Variants in SBF1 observed in about 807,000 individuals in gnomAD.
The protein encoded by SBF1 is myotubularin-related protein 5.
SBF1 carries 65 observed loss-of-function variants against 215.8 expected under a neutral mutation model. The ratio of observed to expected loss-of-function variants is 0.30; its 90% CI spans 0.25 to 0.37. The LOEUF is 0.37. Ranked by LOEUF, SBF1 falls within the 10% of genes least tolerant of loss-of-function variation. SBF1 has a pLI of 1.00. For missense variants in SBF1, 2,634 were observed against 2,667.8 expected, an observed-to-expected ratio of 0.99 and a Z score of 0.28; for synonymous variants, 1,410 against 1,122.8, an observed-to-expected ratio of 1.26 and a Z score of -5.11.
chr22:50,450,879 G>A (rs2148558892), intron 36 of SBF1, among the ~76,000 whole-genome samples: 1 of 152,328 alleles, frequency 6.6e-6, no homozygotes, highest in Admixed American at 6.5e-5. Flanking sequence ...AGGCCGAGGA[G>A]GGAGAATCGC....
Position 50,461,730 on chromosome 22 carries a change from CAA to C in SBF1, c.2644-14_2644-13del. Reference sequence around the variant, plus strand: ...CGCAGCAGCTTGGGCTGCTCGAAAACAAGAGCAGGAGCTCAGGATGCAGCCCG... The same window carrying C: ...CGCAGCAGCTTGGGCTGCTCGAAAACGAGCAGGAGCTCAGGATGCAGCCCG... On this transcript the variant is annotated splice_polypyrimidine_tract_variant and intron_variant, in intron 21 of 40. Transcript: ENST00000380817. 1 of 1,609,312 alleles carries C rather than the reference CAA, an allele frequency of 6.2e-7. No homozygotes were observed. Among genetic ancestry groups the C allele is most frequent in the Non-Finnish European group, 8.5e-7 (1 of 1,177,884 alleles).
In SBF1 at chr22:50,460,700, C is replaced by T. The variant is rs2067470101; in HGVS notation, c.2980G>A (p.Ala994Thr). ...RSCTFQLLKM[A>T]FDEEVGSDSA... ...TCAGACCCCACCTCCTCGTCAAAGG[C>T]CATTTTCAGCAGCTGTGTCAGTAAA... The change falls in exon 24 of 41, where the codon GCC (alanine) becomes ACC (threonine). Residue 994 changes from alanine to threonine, a missense_variant. Transcript: ENST00000380817. 1.9e-6 allele frequency: 3 copies of T among 1,613,016 alleles called. No individual in the cohort carries two copies. Among genetic ancestry groups the T allele is most frequent in the Non-Finnish European group, 2.5e-6 (3 of 1,179,852 alleles).
Position 50,456,531 on chromosome 22 carries a change from T to A in SBF1, c.4047A>T (p.Arg1349=), listed in dbSNP as rs894127251. Residue 1349 remains arginine, a synonymous_variant, in exon 30 of 41, where the codon CGA becomes CGT. Transcript: ENST00000380817. ...TGTCCCCAAGGATATAGAGGGCTGC[T>A]CGCTGCGGACGCAGGAAGCCCGGGT... ...PPDPGFLRPQ[R]AALYILGDKA... The A allele has an allele frequency of 1.5e-5, 23 of 1,505,064 alleles. No homozygotes were observed. In the Admixed American group the frequency reaches 2.4e-4, roughly 16 times the overall value. The allele number at this position is 1,505,064 out of a possible 1,614,324, so 93.2% of individuals were successfully genotyped here.
Position 50,461,546 on chromosome 22 carries a change from G to A in SBF1, c.2816C>T (p.Thr939Met), listed in dbSNP as rs749046455. ...VFLTTYRVIF[T>M]GMPTDPLVGE... ...ACCCAGGGGGTCCGTGGGCATCCCC[G>A]TGAAGATGACCCGGTACGTGGTGAG... The change falls in exon 22 of 41, where the codon ACG becomes ATG. Residue 939 changes from threonine to methionine, a missense_variant. By Grantham distance (81) the Thr-to-Met change is moderately conservative. Transcript: ENST00000380817. The A allele has an allele frequency of 4.4e-6, 7 of 1,604,804 alleles. No individual in the cohort carries two copies. Among genetic ancestry groups the A allele is most frequent in the South Asian group, 1.1e-5 (1 of 90,900 alleles).
intron 1 of SBF1, among the ~76,000 whole-genome samples, chr22:50,469,204 A>G (rs1002360627): frequency 6.6e-6 from 1 of 152,150 alleles, no homozygotes; most frequent in Non-Finnish European, 1.5e-5. Context: ...CTCAGAGGAG[A>G]GTGGGACGGT....
At position 50,460,328 on chromosome 22, in the gene SBF1, G is replaced by T. The variant is rs756747334; in HGVS notation, c.3227C>A (p.Pro1076His). Residue 1076 changes from proline (P) to histidine (H), a missense_variant, in exon 25 of 41, where the codon CCC (proline) becomes CAC (histidine). By Grantham distance (77) the Pro-to-His change is moderately conservative. Transcript: ENST00000380817. Reference sequence around the variant, plus strand: ...CGGCTGGCCCCGGTGCTCCCAGCTGGGGGGGTTGTACTTCTTGCGAGTGAC... The same window carrying T: ...CGGCTGGCCCCGGTGCTCCCAGCTGTGGGGGTTGTACTTCTTGCGAGTGAC... ...QHVTRKKYNP[P>H]SWEHRGQPPP... The T allele has an allele frequency of 6.2e-7, 1 of 1,613,388 alleles. No homozygotes were observed. Among genetic ancestry groups the T allele is most frequent in the East Asian group, 2.2e-5 (1 of 44,862 alleles).
At chr22:50,470,195 C>T (rs1022545137) in intron 1 of SBF1, among the ~76,000 whole-genome samples, 2 of 152,036 alleles carry the variant, frequency 1.3e-5, no homozygotes, top group South Asian at 4.1e-4. Context: ...GGGCCCAGCC[C>T]TGGCTGGCAC....
rs556173140 is a variant in SBF1 at position 50,451,720 on chromosome 22, T to C, written c.5043+2792A>G. On this transcript the variant is annotated intron_variant, in intron 36 of 40. Transcript: ENST00000380817. ...GGCAGAGAATCAAAGGGTGCCATTATACACAGTTTATAAGGATAAGAATCA... is the reference window on the plus strand; with the variant it reads ...GGCAGAGAATCAAAGGGTGCCATTACACACAGTTTATAAGGATAAGAATCA... Among the ~76,000 whole-genome samples, 4 of 151,566 alleles carry C rather than the reference T, an allele frequency of 2.6e-5. No individual in the cohort carries two copies. In the South Asian group the frequency reaches 8.3e-4, roughly 32 times the overall value.
intron 1 of SBF1, among the ~76,000 whole-genome samples, chr22:50,474,559 G>GCCCGGCC (rs1348965594): frequency 9.9e-5 from 15 of 151,358 alleles, no homozygotes; most frequent in South Asian, 4.2e-4. Context: ...TTCAGTCCCC[G>GCCCGGCC]CCCGGCCCCC....
Position 50,455,057 on chromosome 22 carries a change from C to G in SBF1, c.4640G>C (p.Arg1547Pro). 6.2e-7 allele frequency: 1 copy of G among 1,614,142 alleles called. No homozygotes were observed. Among genetic ancestry groups the G allele is most frequent in the Non-Finnish European group, 8.5e-7 (1 of 1,180,020 alleles). ...ATAGTCAGAGTCGAGCAGGAAGGTCCGGAAACGGCGGGACACATGGTGGTA... is the reference window on the plus strand; with the variant it reads ...ATAGTCAGAGTCGAGCAGGAAGGTCGGGAAACGGCGGGACACATGGTGGTA... ...LGYHHVSRRF[R>P]TFLLDSDYER... The change falls in exon 34 of 41, where the codon CGG (arginine) becomes CCG (proline). Residue 1547 changes from arginine (R) to proline (P), a missense_variant. Coordinates refer to ENST00000380817, the MANE Select transcript of SBF1 (RefSeq NM_002972.4).
rs755770130 is a variant in SBF1 at position 50,464,694 on chromosome 22, G to A, written c.1476C>T (p.Pro492=). Residue 492 remains proline (P), a synonymous_variant, in exon 14 of 41, where the codon CCC becomes CCT. Coordinates refer to ENST00000380817, the MANE Select transcript of SBF1 (RefSeq NM_002972.4). ...PAVAMHKVQR[P]GESSHLRRVP... is the part of the protein sequence containing the mutation. ...CCCGTCGCAGGTGGCTGCTCTCACCGGGCCTCTGTACCTTGTGCATCGCCA... is the reference window on the plus strand; with the variant it reads ...CCCGTCGCAGGTGGCTGCTCTCACCAGGCCTCTGTACCTTGTGCATCGCCA... The A allele has an allele frequency of 5.6e-6, 9 of 1,607,642 alleles. 1 individual carries two copies. The Admixed American group carries it at 6.7e-5, about 12-fold the overall frequency.
chr22:50,470,593 C>T (rs1280544246), intron 1 of SBF1, among the ~76,000 whole-genome samples: 3 of 152,166 alleles, frequency 2.0e-5, no homozygotes, highest in African/African-American at 7.2e-5. Context: ...CACCCCCTCC[C>T]CTGGGAAACT....
intron 1 of SBF1, 85 bp from the exon 2 acceptor site, chr22:50,468,546 C>T (rs1441097027): frequency 9.2e-6 from 8 of 869,224 alleles, no homozygotes; most frequent in Admixed American, 3.0e-5. Context: ...GAAACATTCC[C>T]ACCCACTGGG....
rs2068124452 is a variant in SBF1, at chr22:50,474,907, G to A, written c.-67C>T. On this transcript the variant is annotated 5_prime_UTR_variant, in exon 1 of 41. Transcript: ENST00000380817. ...CGCGGCTCGGGGACTCGAGGACGGC[G>A]CGCTCATGGCCCGGCCCCGGCCCTG... The A allele has an allele frequency of 1.5e-5, 17 of 1,149,008 alleles. No homozygotes were observed. The South Asian group carries it at 3.1e-4, about 21-fold the overall frequency. 71.2% of individuals were successfully genotyped at this position (1,149,008 alleles called of 1,614,324 possible). A position where few individuals can be genotyped will look rare whatever the true frequency, so the allele number is the denominator to read the frequency against.
At position 50,446,779 on chromosome 22, in the gene SBF1, G is replaced by A; in HGVS notation, c.*363C>T. ...GGGTAGGCCGAGAGCAGGCAGCCGGGGAGTGGGGAAGGCAGGCACAGGAGC... is the reference window on the plus strand; with the variant it reads ...GGGTAGGCCGAGAGCAGGCAGCCGGAGAGTGGGGAAGGCAGGCACAGGAGC... On this transcript the variant is annotated 3_prime_UTR_variant, in exon 41 of 41. Transcript: ENST00000380817. The A allele has an allele frequency of 1.7e-6, 1 of 572,722 alleles. No homozygotes were observed. The highest frequency in any genetic ancestry group is 3.3e-6 in the Non-Finnish European group (1 of 299,126). 35.5% of individuals were successfully genotyped at this position (572,722 alleles called of 1,614,324 possible).
At chr22:50,465,714 G>C in intron 10 of SBF1, 49 bp downstream of exon 10, 1 of 1,514,604 alleles carries the variant, frequency 6.6e-7, no homozygotes, top group Non-Finnish European at 8.9e-7. Flanking sequence ...CTGAGTGGGG[G>C]CAGCCTAAGT....
In SBF1 at chr22:50,461,330, G is replaced by GCT. The variant is rs755495219; in HGVS notation, c.2840-45_2840-44insAG. The GCT allele has an allele frequency of 5.0e-5, 77 of 1,549,242 alleles. No individual in the cohort carries two copies. In the East Asian group the frequency reaches 1.3e-3, roughly 27 times the overall value. ...GAGTCAGAAGCAAGGAAGGTAAGGG[G>GCT]GGGGGGGTCCCAGAATCTCAGGGTA... On this transcript the variant is annotated intron_variant, in intron 22 of 40. Transcript: ENST00000380817.
In SBF1 at chr22:50,447,579, C is replaced by T. The variant is rs371842209; in HGVS notation, c.5394G>A (p.Gly1798=). 1.3e-5 allele frequency: 21 copies of T among 1,612,572 alleles called. No individual in the cohort carries two copies. Among genetic ancestry groups the T allele is most frequent in the Middle Eastern group, 1.9e-4 (1 of 5,402 alleles). Residue 1798 remains glycine, a synonymous_variant, in exon 39 of 41, where the codon GGG becomes GGA. Transcript: ENST00000380817. ...GGGCCTTCCAAGGCTTCATGAAGGCCCCCTTCTTGTACAGAGTGCCCTCGT... is the reference window on the plus strand; with the variant it reads ...GGGCCTTCCAAGGCTTCATGAAGGCTCCCTTCTTGTACAGAGTGCCCTCGT... ...RSYEGTLYKK[G]AFMKPWKARW...
At chr22:50,461,757 G>C (rs111456575) in intron 21 of SBF1, 39 bp from the exon 22 acceptor site, 5 of 1,610,844 alleles carry the variant, frequency 3.1e-6, no homozygotes, top group East Asian at 4.5e-5. Context: ...GATGCAGCCC[G>C]GGCCTTGGGC....
Sources: gnomAD v4.1 joint callset for allele counts (sites outside exome capture counted in the v4.1 genomes callset) on GRCh38, gnomAD v4.1.1 for gene constraint, MANE v1.5 for transcripts, NCBI Gene and HGNC (gene_info 2026-07-23, HGNC 2026-07-21) for gene names.